The following HOOK3 variants were observed in gnomAD, a reference collection of about 807,000 sequenced individuals.
HOOK3 encodes hook microtubule tethering protein 3.
A neutral mutation model predicts 116.3 loss-of-function variants in HOOK3; 24 were observed. That is an observed-to-expected ratio of 0.21 (90% CI 0.15 to 0.29). The LOEUF is 0.29. Ranked by LOEUF, HOOK3 falls within the 10% of genes least tolerant of loss-of-function variation. The pLI is 1.00. For synonymous variants in HOOK3, 275 were observed against 283.0 expected (o/e 0.97, Z 0.28); for missense variants, 632 against 830.2 (o/e 0.76, Z 2.93).
Position 42,946,931 on chromosome 8 carries a change from C to T in HOOK3, c.401-3457C>T, listed in dbSNP as rs542098974. Among the ~76,000 whole-genome samples the T allele has an allele frequency of 8.6e-5, 13 of 151,840 alleles. No homozygotes were observed. The East Asian group carries it at 9.7e-4, about 11-fold the overall frequency. ...TTACAGGTGCACGTGCCACCACGCCCGGCTAATTTTTGTATTTTTAGTAGA... is the reference window on the plus strand; with the variant it reads ...TTACAGGTGCACGTGCCACCACGCCTGGCTAATTTTTGTATTTTTAGTAGA... On this transcript the variant is annotated intron_variant, in intron 5 of 21. Transcript: ENST00000307602.
At chr8:43,009,175 TG>T (rs1332697166) in intron 18 of HOOK3, among the ~76,000 whole-genome samples, 1 of 151,044 alleles carries the variant, frequency 6.6e-6, no homozygotes, top group African/African-American at 2.4e-5. Context: ...GAGGCCGAGG[TG>T]GGTGGATTGC....
intron 1 of HOOK3, among the ~76,000 whole-genome samples, chr8:42,904,060 G>A (rs958323942): frequency 1.3e-5 from 2 of 152,116 alleles, no homozygotes; most frequent in African/African-American, 4.8e-5. Context: ...TATATTTAGG[G>A]CAGTTTGACA....
intron 15 of HOOK3, among the ~76,000 whole-genome samples, chr8:42,996,385 CAAAAAAAAAAAAA>C (rs529268164): frequency 1.8e-5 from 1 of 55,948 alleles, no homozygotes; most frequent in African/African-American, 5.8e-5. Context: ...GACTCCGTCT[CAAAAAAAAAAAAA>C]AAAAAGAAAA....
intron 2 of HOOK3, among the ~76,000 whole-genome samples, chr8:42,912,312 GTTTGT>G (rs1303549308): frequency 2.0e-5 from 3 of 152,204 alleles, no homozygotes; most frequent in Non-Finnish European, 4.4e-5. Context: ...AAGTTGTTTT[GTTTGT>G]TTTATCTGAT....
At chr8:42,940,015 A>T (rs1360582985) in intron 4 of HOOK3, among the ~76,000 whole-genome samples, 1 of 150,346 alleles carries the variant, frequency 6.7e-6, no homozygotes, top group Admixed American at 6.6e-5. Flanking sequence ...AGCCAGGCAG[A>T]GGGGCTCCTC....
intron 3 of HOOK3, among the ~76,000 whole-genome samples, chr8:42,928,382 C>T (rs1169947434): frequency 2.0e-5 from 3 of 147,560 alleles, no homozygotes; most frequent in Non-Finnish European, 3.0e-5. Flanking sequence ...ACCCAGGAGG[C>T]GGAGGTTGCA....
chr8:43,023,479 TTCCCC>T lies in HOOK3; in HGVS notation c.*4992_*4996del. 6.1e-6 allele frequency: 1 copy of T among 162,838 alleles called. No individual in the cohort carries two copies. The highest frequency in any genetic ancestry group is 1.3e-5 in the Non-Finnish European group (1 of 74,800). The allele number at this position is 162,838 out of a possible 1,614,324, so 10.1% of individuals were successfully genotyped here. ...TCCCTCCTTTCTTCCTTCCCTTCCC[TTCCCC>T]TCCCCTCCCCCAGGCTGGAGTGCAG... On this transcript the variant is annotated 3_prime_UTR_variant, in exon 22 of 22. Transcript: ENST00000307602.
At chr8:43,006,185 T>C (rs1409368392) in intron 17 of HOOK3, among the ~76,000 whole-genome samples, 2 of 150,496 alleles carry the variant, frequency 1.3e-5, no homozygotes, top group Non-Finnish European at 3.0e-5. Flanking sequence ...CACGCCCAGC[T>C]AATTTTTTGT....
chr8:42,935,376 C>CAGAG (rs1399183464), intron 4 of HOOK3, among the ~76,000 whole-genome samples: 1 of 152,104 alleles, frequency 6.6e-6, no homozygotes, highest in Non-Finnish European at 1.5e-5. Flanking sequence ...TTTTGCTGTG[C>CAGAG]AGAGGCTCTT....
intron 4 of HOOK3, among the ~76,000 whole-genome samples, chr8:42,933,235 G>A (rs1261202039): frequency 1.3e-5 from 2 of 152,156 alleles, no homozygotes; most frequent in African/African-American, 2.4e-5. Flanking sequence ...TAATATAAAA[G>A]TGTGAGATTG....
intron 18 of HOOK3, among the ~76,000 whole-genome samples, chr8:43,008,869 C>A (rs989377815): frequency 6.6e-6 from 1 of 150,582 alleles, no homozygotes; most frequent in East Asian, 2.0e-4. Flanking sequence ...CCGTTTTAGC[C>A]GGGATGGTCT....
intron 1 of HOOK3, among the ~76,000 whole-genome samples, chr8:42,898,345 G>C (rs1807098678): frequency 6.6e-6 from 1 of 152,184 alleles, no homozygotes; most frequent in Non-Finnish European, 1.5e-5. Flanking sequence ...ATTTCAGATC[G>C]TTAGCAGTAG....
rs988257865 is a variant in HOOK3, at chr8:43,029,367, C to T, written c.*10869C>T. ...GTTTCACCTTGTTGGCCAGGATGAT[C>T]TCGATCTCTTGATCTCGTGATCTGC... is the stretch of plus-strand genomic sequence containing the variant. On this transcript the variant is annotated 3_prime_UTR_variant, in exon 22 of 22. Coordinates refer to ENST00000307602, the MANE Select transcript of HOOK3 (RefSeq NM_032410.4). The T allele has an allele frequency of 5.9e-6, 1 of 168,210 alleles. No homozygotes were observed. The highest frequency in any genetic ancestry group is 2.4e-5 in the African/African-American group (1 of 41,888). 10.4% of individuals were successfully genotyped at this position (168,210 alleles called of 1,614,324 possible).
Position 42,925,602 on chromosome 8 carries a change from T to C in HOOK3, c.189T>C (p.Thr63=). Residue 63 remains threonine (T), a synonymous_variant, in exon 3 of 22, where the codon ACT becomes ACC. Coordinates refer to ENST00000307602, the MANE Select transcript of HOOK3 (RefSeq NM_032410.4). The part of the protein sequence containing the change: ...FDENWLNRIK[T]EVGDNWRLKI... ...AAAATTGGCTAAACAGAATCAAAAC[T>C]GAAGTAGGAGATAATTGGAGGCTAA... 1 of 1,604,524 alleles carries C rather than the reference T, an allele frequency of 6.2e-7. No individual in the cohort carries two copies. Among genetic ancestry groups the C allele is most frequent in the Non-Finnish European group, 8.5e-7 (1 of 1,173,834 alleles).
intron 13 of HOOK3, among the ~76,000 whole-genome samples, chr8:42,981,991 C>G (rs1288708285): frequency 6.6e-6 from 1 of 151,290 alleles, no homozygotes; most frequent in African/African-American, 2.4e-5. Context: ...CAGTGGCTCA[C>G]GCCTGTAATC....
At chr8:42,927,401 C>T (rs957425357) in intron 3 of HOOK3, among the ~76,000 whole-genome samples, 36 of 151,610 alleles carry the variant, frequency 2.4e-4, no homozygotes, top group Non-Finnish European at 7.4e-5. Flanking sequence ...GGATTACAGG[C>T]GCACGCCATG....
intron 16 of HOOK3, among the ~76,000 whole-genome samples, chr8:42,999,370 A>G (rs1255481472): frequency 6.6e-6 from 1 of 152,218 alleles, no homozygotes; most frequent in African/African-American, 2.4e-5. Flanking sequence ...TAAACTAAGC[A>G]GAACTTTGCT....
In HOOK3 at chr8:42,964,296, C is replaced by T. The variant is rs762233603; in HGVS notation, c.616-15C>T. On this transcript the variant is annotated splice_polypyrimidine_tract_variant and intron_variant, in intron 8 of 21. Transcript: ENST00000307602. The stretch of plus-strand genomic sequence containing the variant: ...AGTTGGAAGAAATAACTGCCGTCGT[C>T]CTATATTCCAACAGGTTGCAGCATT... 2.5e-6 allele frequency: 4 copies of T among 1,613,536 alleles called. No homozygotes were observed. The highest frequency in any genetic ancestry group is 3.4e-6 in the Non-Finnish European group (4 of 1,179,616).
In HOOK3 at chr8:43,027,364, C is replaced by A; in HGVS notation, c.*8866C>A. The stretch of plus-strand genomic sequence containing the variant: ...TTATTATGTTACATAAATATGGACA[C>A]AATTACTGCCAAAGAATAGAGAGAT... On this transcript the variant is annotated 3_prime_UTR_variant, in exon 22 of 22. Coordinates refer to ENST00000307602, the MANE Select transcript of HOOK3 (RefSeq NM_032410.4). 1 of 385,490 alleles carries A rather than the reference C, an allele frequency of 2.6e-6. No homozygotes were observed. Among genetic ancestry groups the A allele is most frequent in the South Asian group, 2.2e-5 (1 of 45,554 alleles). The allele number at this position is 385,490 out of a possible 1,614,324, so 23.9% of individuals were successfully genotyped here.
Sources: gnomAD v4.1 joint callset for allele counts (sites outside exome capture counted in the v4.1 genomes callset) on GRCh38, gnomAD v4.1.1 for gene constraint, MANE v1.5 for transcripts, NCBI Gene and HGNC (gene_info 2026-07-23, HGNC 2026-07-21) for gene names.